Variants in CERS6 observed in about 807,000 individuals in gnomAD.
CERS6 encodes ceramide synthase 6, also known as LAG1 homolog, ceramide synthase 6.
Under a neutral mutation model 56.8 loss-of-function variants are expected in CERS6, and 26 were observed. That is an observed-to-expected ratio of 0.46 (90% CI 0.34 to 0.63). The LOEUF (loss-of-function observed/expected upper bound fraction) is 0.63, where lower values mean the gene tolerates loss of function less well. Among genes scored for constraint, CERS6 ranks in the 30% least tolerant of loss-of-function variants. CERS6 has a pLI of 0.01. For synonymous variants in CERS6, 164 were observed against 173.3 expected, an observed-to-expected ratio of 0.95 and a Z score of 0.42; for missense variants, 415 against 467.5, an observed-to-expected ratio of 0.89 and a Z score of 1.04.
At chr2:168,694,505 C>A (rs1207536215) in intron 5 of CERS6, among the ~76,000 whole-genome samples, 1 of 152,124 alleles carries the variant, frequency 6.6e-6, no homozygotes, top group Non-Finnish European at 1.5e-5. Context: ...AAAAAAAGAG[C>A]TTTCTGATTA....
At chr2:168,547,765 C>A in intron 2 of CERS6, 64 bp downstream of exon 2, 3 of 1,128,464 alleles carry the variant, frequency 2.7e-6, no homozygotes, top group Non-Finnish European at 4.0e-6. Flanking sequence ...TGCTGTCATT[C>A]AATTTGTCCC....
At chr2:168,626,839 C>T (rs1174657998) in intron 3 of CERS6, among the ~76,000 whole-genome samples, 2 of 152,128 alleles carry the variant, frequency 1.3e-5, no homozygotes, top group African/African-American at 4.8e-5. Context: ...GAGCATCCTC[C>T]ACAGATCGTT....
rs1434636136 is a variant in CERS6, at chr2:168,636,569, A to G, written c.465+5527A>G. On this transcript the variant is annotated intron_variant, in intron 4 of 9. Transcript: ENST00000305747. ...TGTAAGTCCATTGTCATCCCTTCAC[A>G]TAAAAAATACTGTTCTGTTGCTGCC... 2.0e-5 allele frequency among the ~76,000 whole-genome samples: 3 copies of G among 152,172 alleles called. No individual in the cohort carries two copies. In the South Asian group the frequency reaches 6.2e-4, roughly 31 times the overall value.
chr2:168,484,667 T>C (rs1344801746), intron 1 of CERS6, among the ~76,000 whole-genome samples: 1 of 152,226 alleles, frequency 6.6e-6, no homozygotes, highest in Non-Finnish European at 1.5e-5. Flanking sequence ...GAATTTATGC[T>C]CACTTGTGTT....
rs549157790 is a variant in CERS6, at chr2:168,764,905, C to G, written c.846-687C>G. ...ATGCCCGAAAGATACATACTCAGAG[C>G]GATATTTGTGGACCCGTGTTCATAG... On this transcript the variant is annotated intron_variant, in intron 8 of 9. Transcript: ENST00000305747. Among the ~76,000 whole-genome samples, 3 of 152,230 alleles carry G rather than the reference C, an allele frequency of 2.0e-5. No homozygotes were observed. The East Asian group carries it at 5.8e-4, about 29-fold the overall frequency.
At chr2:168,504,095 C>T (rs1454345947) in intron 1 of CERS6, among the ~76,000 whole-genome samples, 3 of 152,110 alleles carry the variant, frequency 2.0e-5, no homozygotes, top group Non-Finnish European at 4.4e-5. Flanking sequence ...GTCAGTAAGA[C>T]GAGTGTCTTG....
intron 8 of CERS6, among the ~76,000 whole-genome samples, chr2:168,718,697 AT>A (rs1406045866): frequency 2.0e-5 from 3 of 152,158 alleles, no homozygotes; most frequent in Admixed American, 6.5e-5. Context: ...CCCCTGAAGA[AT>A]TTCTTTAGGT....
intron 8 of CERS6, among the ~76,000 whole-genome samples, chr2:168,749,861 C>G (rs1277902527): frequency 6.6e-6 from 1 of 152,228 alleles, no homozygotes; most frequent in East Asian, 1.9e-4. Flanking sequence ...TGCTACAGCT[C>G]TGTGTGTGCT....
chr2:168,560,699 T>G (rs1021263984), intron 2 of CERS6, among the ~76,000 whole-genome samples: 1 of 152,242 alleles, frequency 6.6e-6, no homozygotes, highest in African/African-American at 2.4e-5. Context: ...TAGGCTTAAA[T>G]GAGGCACTTT....
chr2:168,501,594 C>T (rs1294467179), intron 1 of CERS6, among the ~76,000 whole-genome samples: 1 of 151,872 alleles, frequency 6.6e-6, no homozygotes, highest in Non-Finnish European at 1.5e-5. Flanking sequence ...AGTCAATGTT[C>T]TCTGGTAGGA....
chr2:168,564,522 C>G (rs1218556362), intron 3 of CERS6, among the ~76,000 whole-genome samples: 1 of 152,152 alleles, frequency 6.6e-6, no homozygotes, highest in Non-Finnish European at 1.5e-5. Flanking sequence ...TTTAAGGCAA[C>G]TATAGGATAA....
chr2:168,640,839 AGG>A (rs1331530373), intron 4 of CERS6, among the ~76,000 whole-genome samples: 2 of 152,160 alleles, frequency 1.3e-5, no homozygotes, highest in Non-Finnish European at 2.9e-5. Flanking sequence ...TTGTGTGGAA[AGG>A]GCTTCCTCAC....
At chr2:168,701,039 C>T (rs1686792768) in intron 6 of CERS6, among the ~76,000 whole-genome samples, 1 of 152,122 alleles carries the variant, frequency 6.6e-6, no homozygotes. Flanking sequence ...TAGTTGCCGG[C>T]ATGGACTCTC....
intron 1 of CERS6, among the ~76,000 whole-genome samples, chr2:168,496,472 A>C (rs1052376931): frequency 5.9e-5 from 9 of 152,142 alleles, no homozygotes; most frequent in African/African-American, 2.2e-4. Context: ...ATAGGAAGCC[A>C]TCAGGCTCCA....
At chr2:168,595,266 T>C (rs1840171) in intron 3 of CERS6, among the ~76,000 whole-genome samples, 117,441 of 152,164 alleles carry the variant, frequency 0.77, 49,594 homozygotes, top group Non-Finnish European at 0.93. Flanking sequence ...ACAGAATAAT[T>C]CCACTCCCAG....
At chr2:168,729,973 A>G (rs1288538052) in intron 8 of CERS6, among the ~76,000 whole-genome samples, 1 of 152,204 alleles carries the variant, frequency 6.6e-6, no homozygotes, top group African/African-American at 2.4e-5. Flanking sequence ...AACAGCTAGC[A>G]CTAAAAAACC....
intron 4 of CERS6, among the ~76,000 whole-genome samples, chr2:168,660,098 A>G (rs1685590571): frequency 6.6e-6 from 1 of 152,194 alleles, no homozygotes; most frequent in Non-Finnish European, 1.5e-5. Flanking sequence ...AAAATTCTCT[A>G]CATGTTTACA....
At chr2:168,481,868 T>G (rs1429237760) in intron 1 of CERS6, among the ~76,000 whole-genome samples, 1 of 152,244 alleles carries the variant, frequency 6.6e-6, no homozygotes, top group African/African-American at 2.4e-5. Flanking sequence ...CCAGCATGAA[T>G]ACATTTGATT....
At chr2:168,624,772 T>A (rs1684552841) in intron 3 of CERS6, among the ~76,000 whole-genome samples, 1 of 152,210 alleles carries the variant, frequency 6.6e-6, no homozygotes, top group Non-Finnish European at 1.5e-5. Flanking sequence ...AATTCCATTG[T>A]ACTTGACTGG....
Sources: allele counts gnomAD v4.1 joint callset (sites outside exome capture counted in the v4.1 genomes callset), GRCh38; gene constraint gnomAD v4.1.1; transcripts MANE v1.5; gene names NCBI Gene and HGNC (gene_info 2026-07-23, HGNC 2026-07-21).